LYST: variants seen among roughly 807,000 people sequenced by gnomAD.
The protein encoded by LYST is lysosomal-trafficking regulator.
In LYST, 192 loss-of-function variants were observed where a neutral mutation model predicts 413.6. The observed-to-expected ratio is 0.46, with a 90% CI of 0.41 to 0.52. LYST has a LOEUF of 0.52. LYST is among the 20% of genes least tolerant of loss of function. The pLI is 0.00. For missense variants in LYST, 3,815 were observed against 4,499.9 expected, an observed-to-expected ratio of 0.85 and a Z score of 4.35; for synonymous variants, 1,525 against 1,567.3, an observed-to-expected ratio of 0.97 and a Z score of 0.64.
In LYST at chr1:235,743,905, G is replaced by A. The variant is rs556335732; in HGVS notation, c.8151+74C>T. On this transcript the variant is annotated intron_variant, in intron 30 of 52. Transcript: ENST00000389793. ...CACAAAGAAATATGATTTTGAAAACGTATAATACAGTCAACATAAAACCTC... is the reference window on the plus strand; with the variant it reads ...CACAAAGAAATATGATTTTGAAAACATATAATACAGTCAACATAAAACCTC... 2.4e-4 allele frequency: 210 copies of A among 862,522 alleles called. No individual in the cohort carries two copies. In the African/African-American group the frequency reaches 2.7e-3, roughly 11 times the overall value. 53.4% of individuals were successfully genotyped at this position (862,522 alleles called of 1,614,324 possible).
At chr1:235,838,864 A>G (rs1057198516) in intron 1 of LYST, among the ~76,000 whole-genome samples, 16 of 152,188 alleles carry the variant, frequency 1.1e-4, no homozygotes, top group African/African-American at 3.9e-4. Flanking sequence ...GAAGAGAAGA[A>G]AGCTAAGAAA....
At chr1:235,793,394 C>A in intron 11 of LYST, 109 bp downstream of exon 11, 1 of 597,756 alleles carries the variant, frequency 1.7e-6, no homozygotes, top group South Asian at 2.3e-5. Flanking sequence ...ACTGTCACAT[C>A]AAAAGAAAGA....
rs756963076 is a variant in LYST, at chr1:235,661,939, G to A, written c.*1001C>T. ...AATTCTCAGATGGTATAGGTTAGTAGAAACAGAATGAAATGGTTTCCTAAA... is the reference window on the plus strand; with the variant it reads ...AATTCTCAGATGGTATAGGTTAGTAAAAACAGAATGAAATGGTTTCCTAAA... On this transcript the variant is annotated 3_prime_UTR_variant, in exon 53 of 53. Transcript: ENST00000389793. The A allele has an allele frequency of 5.9e-5, 9 of 152,274 alleles. No homozygotes were observed. Among genetic ancestry groups the A allele is most frequent in the Non-Finnish European group, 1.3e-4 (9 of 68,032 alleles). 9.4% of individuals were successfully genotyped at this position (152,274 alleles called of 1,614,324 possible). A position where few individuals can be genotyped will look rare whatever the true frequency, so the allele number is the denominator to read the frequency against.
At chr1:235,879,420 T>C (rs1388304005) in intron 1 of LYST, among the ~76,000 whole-genome samples, 1 of 152,184 alleles carries the variant, frequency 6.6e-6, no homozygotes, top group African/African-American at 2.4e-5. Flanking sequence ...GCTAACAATA[T>C]TCACCTCAAG....
intron 1 of LYST, among the ~76,000 whole-genome samples, chr1:235,875,023 G>A (rs1420666995): frequency 6.6e-6 from 1 of 152,212 alleles, no homozygotes; most frequent in Non-Finnish European, 1.5e-5. Flanking sequence ...GACTTACTGA[G>A]TCAGGCTTAG....
intron 1 of LYST, among the ~76,000 whole-genome samples, chr1:235,881,664 T>C (rs990037383): frequency 6.6e-6 from 1 of 152,212 alleles, no homozygotes; most frequent in Non-Finnish European, 1.5e-5. Context: ...CATACATATA[T>C]ATATGCAATG....
chr1:235,819,938 G>C (rs553793041), intron 3 of LYST, among the ~76,000 whole-genome samples: 1 of 152,192 alleles, frequency 6.6e-6, no homozygotes, highest in Admixed American at 6.5e-5. Flanking sequence ...GAGCCACCGC[G>C]CCCAGCCAAT....
chr1:235,858,348 A>G lies in LYST; in HGVS notation c.-98+8495T>C, dbSNP rs186706033. ...TGATAACCTATGGAAAATATTTACT[A>G]TAGTGACTACTACACAGTGTTCAAT... On this transcript the variant is annotated intron_variant, in intron 1 of 52. Coordinates refer to ENST00000389793, the MANE Select transcript of LYST (RefSeq NM_000081.4). 3.1e-3 allele frequency among the ~76,000 whole-genome samples: 471 copies of G among 152,272 alleles called. 1 individual carries two copies. Among genetic ancestry groups the G allele is most frequent in the Non-Finnish European group, 4.9e-3 (332 of 68,030 alleles).
chr1:235,692,226 C>T (rs535927193), intron 47 of LYST, among the ~76,000 whole-genome samples: 21 of 151,200 alleles, frequency 1.4e-4, no homozygotes, highest in Admixed American at 2.6e-4. Flanking sequence ...CCAGCTACTT[C>T]GGAAGCTGAG....
intron 1 of LYST, among the ~76,000 whole-genome samples, chr1:235,874,189 C>CA (rs996804282): frequency 1.3e-5 from 2 of 152,102 alleles, no homozygotes; most frequent in African/African-American, 2.4e-5. Flanking sequence ...TGCACCATTT[C>CA]AAAAAAATGT....
At chr1:235,817,947 C>T (rs991905238) in intron 3 of LYST, among the ~76,000 whole-genome samples, 1 of 152,188 alleles carries the variant, frequency 6.6e-6, no homozygotes, top group East Asian at 1.9e-4. Context: ...AGAATTGTCC[C>T]TTAAGCCCTT....
intron 1 of LYST, among the ~76,000 whole-genome samples, chr1:235,877,500 G>A (rs1017537781): frequency 5.3e-5 from 8 of 152,092 alleles, no homozygotes; most frequent in African/African-American, 9.7e-5. Context: ...TCTGCCTCCC[G>A]GGTTCAAGCA....
intron 22 of LYST, among the ~76,000 whole-genome samples, chr1:235,760,388 C>T (rs1213972529): frequency 6.6e-6 from 1 of 152,192 alleles, no homozygotes; most frequent in Non-Finnish European, 1.5e-5. Flanking sequence ...TCTCTCTCTC[C>T]TCCATTTTTG....
Position 235,773,875 on chromosome 1 carries a change from T to C in LYST, c.5751A>G (p.Leu1917=), listed in dbSNP as rs1394824640. Residue 1917 remains leucine (L), a synonymous_variant, in exon 19 of 53, where the codon CTA becomes CTG. Transcript: ENST00000389793. The part of the protein sequence containing the change: ...IIQDVKLLEE[L]LLDWKIWSKA... The stretch of plus-strand genomic sequence containing the variant: ...TACTCCATATCTTCCAGTCAAGCAA[T>C]AGTTCCTCTAACAGCTTAACATCTT... 6 of 1,612,446 alleles carry C rather than the reference T, an allele frequency of 3.7e-6. No individual in the cohort carries two copies. Among genetic ancestry groups the C allele is most frequent in the East Asian group, 4.5e-5 (2 of 44,768 alleles).
At position 235,759,587 on chromosome 1, in the gene LYST, G is replaced by C. The variant is rs201842746; in HGVS notation, c.6266C>G (p.Ser2089Cys). The change falls in exon 23 of 53, where the codon TCT (serine) becomes TGT (cysteine). Residue 2089 changes from serine to cysteine, a missense_variant. Physicochemically the swap from Ser to Cys is moderately radical, Grantham distance 112. Coordinates refer to ENST00000389793, the MANE Select transcript of LYST (RefSeq NM_000081.4). ...TASPYEGENS[S>C]NIIPQQMAAH... ...GGCCATCTGTTGTGGAATAATATTA[G>C]AGGAATTCTCTCCTGGTAAGAGTAG... 1.6e-5 allele frequency: 25 copies of C among 1,612,802 alleles called. No homozygotes were observed. Among genetic ancestry groups the C allele is most frequent in the Admixed American group, 1.3e-4 (8 of 59,974 alleles).
At chr1:235,741,872 T>C (rs184680999) in intron 30 of LYST, among the ~76,000 whole-genome samples, 1 of 152,338 alleles carries the variant, frequency 6.6e-6, no homozygotes, top group Non-Finnish European at 1.5e-5. Flanking sequence ...CGTCCATCAG[T>C]GGATGAACAG....
intron 20 of LYST, among the ~76,000 whole-genome samples, chr1:235,767,188 GC>G (rs761485607): frequency 6.6e-6 from 1 of 152,024 alleles, no homozygotes; most frequent in African/African-American, 2.4e-5. Context: ...GTAGCAGCTG[GC>G]CTCCAGATTA....
chr1:235,881,654 C>T (rs1192121470), intron 1 of LYST, among the ~76,000 whole-genome samples: 1 of 152,034 alleles, frequency 6.6e-6, no homozygotes, highest in Non-Finnish European at 1.5e-5. Flanking sequence ...CATACACGTA[C>T]ATACATATAT....
intron 12 of LYST, among the ~76,000 whole-genome samples, chr1:235,789,171 A>G (rs1670739480): frequency 6.6e-6 from 1 of 152,192 alleles, no homozygotes; most frequent in South Asian, 2.1e-4. Flanking sequence ...TTTATCAACT[A>G]TGACTTCACT....
Sources: allele counts gnomAD v4.1 joint callset (sites outside exome capture counted in the v4.1 genomes callset), GRCh38; gene constraint gnomAD v4.1.1; transcripts MANE v1.5; gene names NCBI Gene and HGNC (gene_info 2026-07-23, HGNC 2026-07-21).